The following KIF16B variants were observed in gnomAD, a reference collection of about 807,000 sequenced individuals.
KIF16B encodes kinesin family member 16B, also known as kinesin-like protein KIF16B.
A neutral mutation model predicts 156.3 loss-of-function variants in KIF16B; 98 were observed. The observed-to-expected ratio is 0.63, with a 90% CI of 0.53 to 0.74. The LOEUF is 0.74. KIF16B is among the 30% of genes least tolerant of loss of function. The pLI, the probability that KIF16B is intolerant of heterozygous loss-of-function variation, is 0.00. For missense variants in KIF16B, 1,421 were observed against 1,606.5 expected (o/e 0.88, Z 1.97); for synonymous variants, 564 against 583.7 (o/e 0.97, Z 0.49).
intron 1 of KIF16B, among the ~76,000 whole-genome samples, chr20:16,560,722 C>T (rs1167172851): frequency 1.3e-5 from 2 of 151,918 alleles, no homozygotes; most frequent in East Asian, 1.9e-4. Flanking sequence ...GAGGTCAACG[C>T]TGCAGTGAGC....
rs192839682 is a variant in KIF16B, at chr20:16,293,957, T to C, written c.3795+18378A>G. Among the ~76,000 whole-genome samples, 264 of 151,952 alleles carry C rather than the reference T, an allele frequency of 1.7e-3. 3 individuals carry two copies. Among genetic ancestry groups the C allele is most frequent in the African/African-American group, 6.3e-3 (259 of 41,412 alleles). ...CATGCTGGGGAGCCATCATCCATAG[T>C]GGGACGTTAACAGCACCTAAAATTT... On this transcript the variant is annotated intron_variant, in intron 25 of 25. Transcript: ENST00000354981.
At chr20:16,404,287 A>G (rs1378248077) in intron 17 of KIF16B, among the ~76,000 whole-genome samples, 1 of 152,180 alleles carries the variant, frequency 6.6e-6, no homozygotes, top group African/African-American at 2.4e-5. Flanking sequence ...TTGATGAAGC[A>G]CTAAGGACAT....
At chr20:16,454,943 A>C (rs1448669168) in intron 12 of KIF16B, among the ~76,000 whole-genome samples, 1 of 152,198 alleles carries the variant, frequency 6.6e-6, no homozygotes, top group African/African-American at 2.4e-5. Flanking sequence ...CAATATGTGC[A>C]TGGGACATCT....
rs150337486 is a variant in KIF16B at position 16,507,631 on chromosome 20, C to T, written c.699+327G>A. Among the ~76,000 whole-genome samples, 123 of 152,236 alleles carry T rather than the reference C, an allele frequency of 8.1e-4. No homozygotes were observed. The Middle Eastern group carries it at 0.02, about 25-fold the overall frequency. On this transcript the variant is annotated intron_variant, in intron 7 of 25. Coordinates refer to ENST00000354981, the MANE Select transcript of KIF16B (RefSeq NM_024704.5). ...ACCTTGGCTTCCAGCTGGTCTGACT[C>T]GCAATCCATTATATCCCACAGAGTT...
At chr20:16,395,943 C>T (rs1030618465) in intron 17 of KIF16B, among the ~76,000 whole-genome samples, 4 of 152,086 alleles carry the variant, frequency 2.6e-5, no homozygotes, top group Admixed American at 2.0e-4. Context: ...GAACATGCAT[C>T]GAGAGCCTTA....
chr20:16,384,795 A>G (rs985561362), intron 17 of KIF16B, among the ~76,000 whole-genome samples: 20 of 152,158 alleles, frequency 1.3e-4, no homozygotes, highest in African/African-American at 4.6e-4. Flanking sequence ...ACTGACTGTC[A>G]CTTACTGATC....
intron 23 of KIF16B, among the ~76,000 whole-genome samples, chr20:16,352,070 A>C (rs1265367178): frequency 6.6e-6 from 1 of 152,218 alleles, no homozygotes; most frequent in Non-Finnish European, 1.5e-5. Flanking sequence ...GACACGACTA[A>C]TCTGTAGGTG....
chr20:16,488,347 A>G (rs889820569), intron 12 of KIF16B, among the ~76,000 whole-genome samples: 1 of 152,242 alleles, frequency 6.6e-6, no homozygotes. Flanking sequence ...TCTGTGCGTT[A>G]TTTTGAAGCA....
chr20:16,351,252 G>C (rs1287489444), intron 23 of KIF16B, among the ~76,000 whole-genome samples: 1 of 152,150 alleles, frequency 6.6e-6, no homozygotes, highest in Non-Finnish European at 1.5e-5. Context: ...AAATGCAAGG[G>C]ATTTCAAACA....
chr20:16,290,365 T>C (rs1175194273), intron 25 of KIF16B, among the ~76,000 whole-genome samples: 1 of 152,220 alleles, frequency 6.6e-6, no homozygotes, highest in Non-Finnish European at 1.5e-5. Flanking sequence ...TCTGCAGCTG[T>C]GGCTGAACAG....
rs2065059024 is a variant in KIF16B, at chr20:16,380,111, C to G, written c.1891G>C (p.Glu631Gln). Residue 631 changes from glutamate to glutamine, a missense_variant, in exon 19 of 26, where the codon GAG becomes CAG. Glu to Gln is a conservative substitution (Grantham distance 29, BLOSUM62 2). Coordinates refer to ENST00000354981, the MANE Select transcript of KIF16B (RefSeq NM_024704.5). ...GTCTCCACCTCCTGCTGCATCCGCT[C>G]CAGTTCAGCCTTGTCTGATTTCTGC... ...EKQKSDKAEL[E>Q]RMQQEVETQR... is the part of the protein sequence containing the mutation. The G allele has an allele frequency of 2.6e-6, 4 of 1,523,994 alleles. No homozygotes were observed. 94.4% of individuals were successfully genotyped at this position (1,523,994 alleles called of 1,614,324 possible).
Position 16,326,452 on chromosome 20 carries a change from C to CA in KIF16B, c.3711+9473dup, listed in dbSNP as rs1180317487. Reference sequence around the variant, plus strand: ...TCTATAAGGAGCTCAAAGAAATCAGCAAAAAAAAAAGAAAAAGAAAAAAAA... The same window carrying CA: ...TCTATAAGGAGCTCAAAGAAATCAGCAAAAAAAAAAAGAAAAAGAAAAAAAA... On this transcript the variant is annotated intron_variant, in intron 24 of 25. Coordinates refer to ENST00000354981, the MANE Select transcript of KIF16B (RefSeq NM_024704.5). Among the ~76,000 whole-genome samples the CA allele has an allele frequency of 2.4e-3, 298 of 126,304 alleles. 1 individual carries two copies. Among genetic ancestry groups the CA allele is most frequent in the African/African-American group, 4.3e-3 (146 of 34,174 alleles). The allele number at this position is 126,304 out of a possible 152,430, so 82.9% of individuals were successfully genotyped here.
chr20:16,504,307 T>C (rs781708764), intron 10 of KIF16B, 65 bp downstream of exon 10: 4 of 1,507,278 alleles, frequency 2.7e-6, no homozygotes, highest in East Asian at 2.3e-5. Flanking sequence ...AATTGTCTCA[T>C]TAAGATCTAG....
chr20:16,507,814 T>G (rs1021481534), intron 7 of KIF16B, 144 bp downstream of exon 7: 5 of 801,836 alleles, frequency 6.2e-6, no homozygotes, highest in Non-Finnish European at 2.0e-6. Context: ...CAGCACATGT[T>G]CAACTCTAAT....
intron 23 of KIF16B, among the ~76,000 whole-genome samples, chr20:16,343,207 G>A (rs895787451): frequency 2.0e-5 from 3 of 152,196 alleles, no homozygotes; most frequent in Admixed American, 6.5e-5. Flanking sequence ...GCCATAAAAT[G>A]ATCAAGCGCA....
chr20:16,460,391 G>C (rs577565114), intron 12 of KIF16B, among the ~76,000 whole-genome samples: 1 of 152,128 alleles, frequency 6.6e-6, no homozygotes, highest in South Asian at 2.1e-4. Flanking sequence ...GATCAGTCTG[G>C]TGAAACCCCA....
intron 25 of KIF16B, among the ~76,000 whole-genome samples, chr20:16,298,708 T>G (rs1293799310): frequency 1.3e-5 from 2 of 151,962 alleles, no homozygotes; most frequent in Admixed American, 1.3e-4. Context: ...ACAATGCAAT[T>G]AGAAGTATAG....
intron 23 of KIF16B, among the ~76,000 whole-genome samples, chr20:16,336,739 C>T (rs1276874877): frequency 1.3e-5 from 2 of 152,194 alleles, no homozygotes; most frequent in African/African-American, 2.4e-5. Context: ...CACCACCTAC[C>T]CAGCAATGCC....
chr20:16,413,704 C>T (rs911187561), intron 15 of KIF16B, among the ~76,000 whole-genome samples: 11 of 151,578 alleles, frequency 7.3e-5, no homozygotes, highest in Non-Finnish European at 1.5e-4. Flanking sequence ...GAAACACCCC[C>T]TGCCCCCCAC....
Sources: gnomAD v4.1 joint callset for allele counts (sites outside exome capture counted in the v4.1 genomes callset) on GRCh38, gnomAD v4.1.1 for gene constraint, MANE v1.5 for transcripts, NCBI Gene and HGNC (gene_info 2026-07-23, HGNC 2026-07-21) for gene names.